The following DZIP3 variants were observed in gnomAD, a reference collection of about 807,000 sequenced individuals.
DZIP3 encodes the protein E3 ubiquitin-protein ligase DZIP3.
In DZIP3, 118 loss-of-function variants were observed where a neutral mutation model predicts 162.0. The observed-to-expected ratio is 0.73, with a 90% CI of 0.63 to 0.85. DZIP3 has a LOEUF of 0.85. Among genes scored for constraint, DZIP3 ranks in the 40% least tolerant of loss-of-function variants. DZIP3 has a pLI of 0.00. For synonymous variants in DZIP3, 438 were observed against 458.6 expected, an observed-to-expected ratio of 0.96 and a Z score of 0.57; for missense variants, 1,331 against 1,407.0, an observed-to-expected ratio of 0.95 and a Z score of 0.86.
At position 108,669,736 on chromosome 3, in the gene DZIP3, C is replaced by G. The variant is rs1468543315; in HGVS notation, c.2479C>G (p.Leu827Val). The change falls in exon 22 of 33, where the codon CTT (leucine) becomes GTT (valine). Residue 827 changes from leucine (L) to valine (V), a missense_variant. Coordinates refer to ENST00000361582, the MANE Select transcript of DZIP3 (RefSeq NM_014648.4). Reference protein sequence around the residue: ...DNEIKNLKEQLSMKRSQWEME... With the variant: ...DNEIKNLKEQVSMKRSQWEME... Reference sequence around the variant, plus strand: ...TGAAATCAAGAACCTTAAAGAGCAACTTTCTATGAAAAGGTACAAACTTAG... The same window carrying G: ...TGAAATCAAGAACCTTAAAGAGCAAGTTTCTATGAAAAGGTACAAACTTAG... The G allele has an allele frequency of 1.2e-6, 2 of 1,610,846 alleles. No individual in the cohort carries two copies. Among genetic ancestry groups the G allele is most frequent in the Non-Finnish European group, 1.7e-6 (2 of 1,178,112 alleles).
chr3:108,648,196 A>G (rs951931910), intron 16 of DZIP3, 84 bp downstream of exon 16: 21 of 1,291,402 alleles, frequency 1.6e-5, no homozygotes, highest in Non-Finnish European at 2.1e-5. Context: ...AAAGCATCCC[A>G]GATAATTTTA....
chr3:108,597,908 A>G (rs111612378), intron 1 of DZIP3, among the ~76,000 whole-genome samples: 1 of 152,212 alleles, frequency 6.6e-6, no homozygotes, highest in African/African-American at 2.4e-5. Context: ...AAGTTTGGAG[A>G]TTTCATTTTT....
At chr3:108,680,465 C>T (rs944709825) in intron 26 of DZIP3, among the ~76,000 whole-genome samples, 9 of 151,956 alleles carry the variant, frequency 5.9e-5, no homozygotes, top group African/African-American at 1.7e-4. Context: ...AATCAACATA[C>T]AAGAATCAAT....
Position 108,629,079 on chromosome 3 carries a change from T to C in DZIP3, c.599T>C (p.Leu200Pro), listed in dbSNP as rs1192047460. 2 of 1,601,526 alleles carry C rather than the reference T, an allele frequency of 1.2e-6. No individual in the cohort carries two copies. The highest frequency in any genetic ancestry group is 3.5e-5 in the Admixed American group (2 of 57,538). ...CCTTTCAGATATAATGGAGGACTGC[T>C]AGAATTTCATAAAAGCTTACAAGAA... is the stretch of plus-strand genomic sequence containing the variant. ...CAQKRYNGGLLEFHKSLQEIG... is the reference protein window; with the variant it reads ...CAQKRYNGGLPEFHKSLQEIG... The change falls in exon 8 of 33, where the codon CTA becomes CCA. Residue 200 changes from leucine to proline, a missense_variant. This residue lies in a region of DZIP3 where 1,278 missense variants were observed against 1,317.1 expected (regional missense o/e 0.97). Transcript: ENST00000361582.
chr3:108,641,373 T>C (rs897358131), intron 12 of DZIP3, among the ~76,000 whole-genome samples: 1 of 152,208 alleles, frequency 6.6e-6, no homozygotes, highest in Non-Finnish European at 1.5e-5. Context: ...CCATTCTTAC[T>C]ATTATAGTTG....
chr3:108,603,746 A>G (rs918821080), intron 1 of DZIP3, among the ~76,000 whole-genome samples: 3 of 152,194 alleles, frequency 2.0e-5, no homozygotes, highest in African/African-American at 7.2e-5. Context: ...GTCTCTTAAT[A>G]CTTTCTGTGT....
chr3:108,624,397 A>G, intron 5 of DZIP3, 47 bp from the exon 6 acceptor site: 1 of 1,044,264 alleles, frequency 9.6e-7, no homozygotes, highest in East Asian at 2.4e-5. Context: ...TTGTACTGAA[A>G]AGTAGCTTAG....
rs1942998297 is a variant in DZIP3 at position 108,654,085 on chromosome 3, G to C, written c.2034-60G>C. The stretch of plus-strand genomic sequence containing the variant: ...TACAATACTAACTTTGGAAGCAATA[G>C]CTTAGATGAAAATTACTATACAATT... On this transcript the variant is annotated intron_variant, in intron 18 of 32. Coordinates refer to ENST00000361582, the MANE Select transcript of DZIP3 (RefSeq NM_014648.4). 5 of 1,552,116 alleles carry C rather than the reference G, an allele frequency of 3.2e-6. No individual in the cohort carries two copies. In the South Asian group the frequency reaches 6.0e-5, roughly 19 times the overall value.
intron 12 of DZIP3, among the ~76,000 whole-genome samples, chr3:108,639,999 T>TTG (rs142709944): frequency 0.019 from 2,945 of 152,040 alleles, 87 homozygotes; most frequent in African/African-American, 0.063. Flanking sequence ...TTTTCTAGTT[T>TTG]TGTGTGTGTG....
intron 12 of DZIP3, among the ~76,000 whole-genome samples, chr3:108,641,670 T>C (rs938420207): frequency 6.6e-6 from 1 of 152,218 alleles, no homozygotes; most frequent in Non-Finnish European, 1.5e-5. Context: ...GTATGGGAGA[T>C]ACCTTTTACT....
In DZIP3 at chr3:108,631,055, A is replaced by ACACACACACACACACATACACACTCT; in HGVS notation, c.696+1880_696+1881insACACACACACACACATACACACTCTC. 7.2e-4 allele frequency among the ~76,000 whole-genome samples: 13 copies of ACACACACACACACACATACACACTCT among 18,008 alleles called. 2 individuals are homozygous for ACACACACACACACACATACACACTCT. Among genetic ancestry groups the ACACACACACACACACATACACACTCT allele is most frequent in the African/African-American group, 3.7e-3 (13 of 3,544 alleles). 11.8% of individuals were successfully genotyped at this position (18,008 alleles called of 152,430 possible). ...CACACACACACACACACACACACAC[A>ACACACACACACACACATACACACTCT]CTCTCTCTCTCTCTCTCTCTCTCTC... On this transcript the variant is annotated intron_variant, in intron 8 of 32. Coordinates refer to ENST00000361582, the MANE Select transcript of DZIP3 (RefSeq NM_014648.4).
chr3:108,616,714 G>A (rs923040424), intron 5 of DZIP3, 57 bp downstream of exon 5: 5 of 1,260,524 alleles, frequency 4.0e-6, no homozygotes, highest in Non-Finnish European at 5.6e-6. Context: ...ATTTCTCAGT[G>A]AGAAAACAGC....
chr3:108,625,835 G>C lies in DZIP3; in HGVS notation c.457-10G>C. The C allele has an allele frequency of 1.9e-6, 3 of 1,568,762 alleles. No homozygotes were observed. The highest frequency in any genetic ancestry group is 2.6e-6 in the Non-Finnish European group (3 of 1,161,646). On this transcript the variant is annotated splice_polypyrimidine_tract_variant and intron_variant, in intron 6 of 32. Coordinates refer to ENST00000361582, the MANE Select transcript of DZIP3 (RefSeq NM_014648.4). ...TTACAGTAGCCAAACCTAGTTTTAT[G>C]TTACTACAGGATTATACAGAAGCTG...
At position 108,629,619 on chromosome 3, in the gene DZIP3, GACACAC is replaced by G. The variant is rs147814342; in HGVS notation, c.696+457_696+462del. Reference sequence around the variant, plus strand: ...TAGCATTTTTATTTATATCTGTCCAGACACACACACACACACACATATAAACACCAA... The same window carrying G: ...TAGCATTTTTATTTATATCTGTCCAGACACACACACACATATAAACACCAA... On this transcript the variant is annotated intron_variant, in intron 8 of 32. Coordinates refer to ENST00000361582, the MANE Select transcript of DZIP3 (RefSeq NM_014648.4). Among the ~76,000 whole-genome samples, 28 of 149,798 alleles carry G rather than the reference GACACAC, an allele frequency of 1.9e-4. No individual in the cohort carries two copies. The East Asian group carries it at 4.9e-3, about 26-fold the overall frequency.
chr3:108,669,286 C>A (rs1057098550), intron 21 of DZIP3, among the ~76,000 whole-genome samples: 5 of 151,744 alleles, frequency 3.3e-5, no homozygotes, highest in African/African-American at 9.7e-5. Context: ...GATATAATAC[C>A]ACTTTAAGGA....
chr3:108,611,292 A>C lies in DZIP3; in HGVS notation c.221A>C (p.Lys74Thr). ...AAAGGTGTGGTTCCTCACATTAAGA[A>C]GTTCTTACAAGAAGATTTTTCCTTC... is the stretch of plus-strand genomic sequence containing the variant. Reference protein sequence around the residue: ...LPKGVVPHIKKFLQEDFSFQT... With the variant: ...LPKGVVPHIKTFLQEDFSFQT... Residue 74 changes from lysine to threonine, a missense_variant, in exon 4 of 33, where the codon AAG becomes ACG. Coordinates refer to ENST00000361582, the MANE Select transcript of DZIP3 (RefSeq NM_014648.4). 1 of 1,611,648 alleles carries C rather than the reference A, an allele frequency of 6.2e-7. No homozygotes were observed. Among genetic ancestry groups the C allele is most frequent in the African/African-American group, 1.3e-5 (1 of 74,906 alleles).
At chr3:108,599,078 T>C (rs1231437915) in intron 1 of DZIP3, among the ~76,000 whole-genome samples, 2 of 152,228 alleles carry the variant, frequency 1.3e-5, no homozygotes, top group Non-Finnish European at 2.9e-5. Context: ...TTAATTTTGC[T>C]TTAGGAAAGG....
At chr3:108,691,252 T>C (rs1944683561) in intron 32 of DZIP3, 1 of 167,326 alleles carries the variant, frequency 6.0e-6, no homozygotes, top group Non-Finnish European at 1.3e-5. Context: ...TTTAATTTCC[T>C]GAAATAAATT....
chr3:108,603,839 A>G (rs1347749722), intron 1 of DZIP3, among the ~76,000 whole-genome samples: 1 of 152,174 alleles, frequency 6.6e-6, no homozygotes, highest in Non-Finnish European at 1.5e-5. Context: ...GATGATTTCC[A>G]CAGGACTTCT....
Sources: allele counts gnomAD v4.1 joint callset (sites outside exome capture counted in the v4.1 genomes callset), GRCh38; gene constraint gnomAD v4.1.1; regional missense constraint gnomAD v4.1.1; transcripts MANE v1.5; gene names NCBI Gene and HGNC (gene_info 2026-07-23, HGNC 2026-07-21).